The following SFTPD variants were observed in gnomAD, a reference collection of about 807,000 sequenced individuals.
SFTPD encodes surfactant protein D.
In SFTPD, 18 loss-of-function variants were observed where a neutral mutation model predicts 34.6. The observed-to-expected ratio is 0.52, with a 90% confidence interval of 0.36 to 0.77. SFTPD has a LOEUF of 0.77. SFTPD is among the 30% of genes least tolerant of loss of function. The pLI is 0.00. For synonymous variants in SFTPD, 155 were observed against 180.9 expected, an observed-to-expected ratio of 0.86 and a Z score of 1.15; for missense variants, 433 against 468.9, an observed-to-expected ratio of 0.92 and a Z score of 0.71.
intron 2 of SFTPD, among the ~76,000 whole-genome samples, chr10:79,944,796 G>T (rs138261080): frequency 6.6e-6 from 1 of 151,994 alleles, no homozygotes; most frequent in African/African-American, 2.4e-5. Context: ...TCCATGATAC[G>T]TCGGGGATGT....
upstream of SFTPD, among the ~76,000 whole-genome samples, chr10:79,953,561 CA>C (rs1174914123): frequency 1.3e-5 from 2 of 151,546 alleles, no homozygotes. Flanking sequence ...CTGCTGCTTT[CA>C]ATTTTTTTTC....
upstream of SFTPD, chr10:79,950,710 T>C (rs1188343391): frequency 6.6e-6 from 1 of 152,236 alleles, no homozygotes; most frequent in Non-Finnish European, 1.5e-5. Context: ...GCATCTCCTA[T>C]CTGGATGTCT....
rs1485334656 is a variant in SFTPD at position 79,960,372 on chromosome 10, G to T, written c.37-13710C>A. Among the ~76,000 whole-genome samples the T allele has an allele frequency of 3.3e-3, 493 of 150,872 alleles. 2 individuals are homozygous for T. The highest frequency in any genetic ancestry group is 7.8e-3 in the South Asian group (37 of 4,736). On this transcript the variant is annotated intron_variant, in intron 1 of 5. Coordinates refer to the SFTPD transcript ENST00000444384. ...GTCAAATTGTCCCTGTTTGCAGATG[G>T]CATGATTGTATATCTAGAAAACCCC...
At chr10:79,954,563 G>A (rs1842728618) in intron 1 of SFTPD, among the ~76,000 whole-genome samples, 1 of 152,164 alleles carries the variant, frequency 6.6e-6, no homozygotes. Flanking sequence ...TGCTGCAGTA[G>A]GGGTCTGCAG....
At chr10:79,980,116 G>C (rs541728121) in intron 1 of SFTPD, among the ~76,000 whole-genome samples, 1 of 152,278 alleles carries the variant, frequency 6.6e-6, no homozygotes, top group South Asian at 2.1e-4. Context: ...ATAAACATCA[G>C]TGGTAACCAG....
intron 1 of SFTPD, among the ~76,000 whole-genome samples, chr10:79,977,954 T>G (rs1455479418): frequency 6.6e-6 from 1 of 152,244 alleles, no homozygotes; most frequent in African/African-American, 2.4e-5. Flanking sequence ...TATTAAGCAG[T>G]GCAATCTTTG....
Position 79,937,993 on chromosome 10 carries a change from T to A in SFTPD, c.987A>T (p.Gly329=), listed in dbSNP as rs1842573352. Residue 329 remains glycine, a synonymous_variant, in exon 8 of 8, where the codon GGA becomes GGT. Transcript: ENST00000372292. The part of the protein sequence containing the change: ...KTEGKFTYPT[G]ESLVYSNWAP... ...CCCAGTTGGAATAGACCAGGGACTC[T>A]CCTGTGGGGTAGGTGAACTTGCCCT... The A allele has an allele frequency of 6.2e-7, 1 of 1,613,878 alleles. No individual in the cohort carries two copies. Among genetic ancestry groups the A allele is most frequent in the African/African-American group, 1.3e-5 (1 of 75,042 alleles).
intron 2 of SFTPD, among the ~76,000 whole-genome samples, chr10:79,946,182 C>T (rs1424425789): frequency 6.6e-6 from 1 of 152,086 alleles, no homozygotes; most frequent in Non-Finnish European, 1.5e-5. Context: ...TCTAGAAGGC[C>T]CCAGATATCA....
chr10:79,954,002 G>A (rs61858838), upstream of SFTPD, among the ~76,000 whole-genome samples: 3 of 136,110 alleles, frequency 2.2e-5, no homozygotes, highest in East Asian at 6.1e-4. Context: ...GGATTTTTGT[G>A]GGTTTTTTTT....
At chr10:79,972,501 A>ACACACACATAGACACAC (rs1564535638) in intron 1 of SFTPD, 1 of 113,344 alleles carries the variant, frequency 8.8e-6, no homozygotes, top group African/African-American at 4.1e-5. Flanking sequence ...TCTGTCTCAA[A>ACACACACATAGACACAC]ACACACACAC....
intron 1 of SFTPD, among the ~76,000 whole-genome samples, chr10:79,955,982 T>C (rs2146192): frequency 0.15 from 22,299 of 152,156 alleles, 2,068 homozygotes; most frequent in East Asian, 0.41. Context: ...GAAAAAAATA[T>C]GAAGCAAATG....
intron 1 of SFTPD, among the ~76,000 whole-genome samples, chr10:79,960,296 G>T (rs1445876167): frequency 6.9e-6 from 1 of 145,910 alleles, no homozygotes; most frequent in Non-Finnish European, 1.5e-5. Context: ...TCTGGCCAGG[G>T]CAATTAGGCA....
At chr10:79,951,473 G>A (rs1842710040), upstream of SFTPD, among the ~76,000 whole-genome samples, 1 of 152,044 alleles carries the variant, frequency 6.6e-6, no homozygotes, top group Non-Finnish European at 1.5e-5. Flanking sequence ...GCTTTTGTGT[G>A]GTGGCTTTAT....
chr10:79,978,651 CAAAAAAAAAAA>C (rs58759979), intron 1 of SFTPD, among the ~76,000 whole-genome samples: 1 of 51,948 alleles, frequency 1.9e-5, no homozygotes, highest in African/African-American at 7.6e-5. Context: ...CACCCTGTCT[CAAAAAAAAAAA>C]AAAAAAAAAA....
In SFTPD at chr10:79,959,981, C is replaced by G. The variant is rs1842762834; in HGVS notation, c.37-13319G>C. 3.9e-5 allele frequency among the ~76,000 whole-genome samples: 6 copies of G among 152,104 alleles called. 1 individual carries two copies. The highest frequency in any genetic ancestry group is 3.9e-4 in the Admixed American group (6 of 15,274). Reference sequence around the variant, plus strand: ...TGGGCTTCATCCCTGGGATGCAAGGCTGGTTCAACATACACAAATCAATAA... The same window carrying G: ...TGGGCTTCATCCCTGGGATGCAAGGGTGGTTCAACATACACAAATCAATAA... On this transcript the variant is annotated intron_variant, in intron 1 of 5. Coordinates refer to the SFTPD transcript ENST00000444384.
At chr10:79,953,216 C>A (rs887032213), upstream of SFTPD, among the ~76,000 whole-genome samples, 12 of 152,198 alleles carry the variant, frequency 7.9e-5, no homozygotes, top group Admixed American at 2.6e-4. Context: ...ATTACTTTTA[C>A]CAGTGAAACT....
At chr10:79,955,660 A>G (rs1319869848) in intron 1 of SFTPD, among the ~76,000 whole-genome samples, 1 of 152,252 alleles carries the variant, frequency 6.6e-6, no homozygotes, top group Admixed American at 6.5e-5. Flanking sequence ...GGCTGAATCC[A>G]ATTCACATGC....
chr10:79,946,491 C>T lies in SFTPD; in HGVS notation c.169G>A (p.Glu57Lys). Residue 57 changes from glutamate (E) to lysine (K), a missense_variant, in exon 2 of 8, where the codon GAG becomes AAG. Transcript: ENST00000372292. ...LPGRDGRDGR[E>K]GPRGEKGDPG... ...TCCCCCTTCTCGCCCCGAGGGCCCT[C>T]TCTCCCATCCCGTCCATCGCGACCA... 4 of 1,614,076 alleles carry T rather than the reference C, an allele frequency of 2.5e-6. No individual in the cohort carries two copies. In the South Asian group the frequency reaches 3.3e-5, roughly 13 times the overall value.
chr10:79,964,710 C>G (rs1842793976), intron 1 of SFTPD, among the ~76,000 whole-genome samples: 1 of 152,188 alleles, frequency 6.6e-6, no homozygotes, highest in African/African-American at 2.4e-5. Context: ...TATTCTACTA[C>G]TCCTCAGGAA....
Sources: gnomAD v4.1 joint callset for allele counts (sites outside exome capture counted in the v4.1 genomes callset) on GRCh38, gnomAD v4.1.1 for gene constraint, MANE v1.5 for transcripts, NCBI Gene and HGNC (gene_info 2026-07-23, HGNC 2026-07-21) for gene names.